Variants in VARS2 observed in about 807,000 individuals in gnomAD.
VARS2 encodes the protein valyl-tRNA synthetase 2, mitochondrial.
VARS2 carries 105 observed loss-of-function variants against 154.1 expected under a neutral mutation model. That is an observed-to-expected ratio of 0.68 (90% CI 0.58 to 0.80). The LOEUF (loss-of-function observed/expected upper bound fraction) is 0.80. Ranked by LOEUF, VARS2 falls within the 30% of genes least tolerant of loss-of-function variation. VARS2 has a pLI of 0.00. For synonymous variants in VARS2, 483 were observed against 539.5 expected (o/e 0.90, Z 1.45); for missense variants, 1,157 against 1,361.4 (o/e 0.85, Z 2.36).
chr6:30,914,923 TAC>T lies in VARS2; in HGVS notation c.91_92del (p.Gln31ValfsTer14), dbSNP rs1481747114. On this transcript the variant is annotated frameshift_variant, in exon 2 of 30. Coordinates refer to ENST00000676266, the MANE Select transcript of VARS2 (RefSeq NM_020442.6). LOFTEE classifies it high-confidence loss of function. ...GCCTCCCCAGGTTTCACTCCGTTTC[TAC>T]ACAGTCGGAGCCCCATGGATCTCCC... ...RGLPRFHSVS[T>X]QSEPHGSPIS... The T allele has an allele frequency of 6.2e-7, 1 of 1,613,104 alleles. No individual in the cohort carries two copies. Among genetic ancestry groups the T allele is most frequent in the East Asian group, 2.2e-5 (1 of 44,878 alleles).
Position 30,925,275 on chromosome 6 carries a change from A to C in VARS2, c.2675A>C (p.Glu892Ala). ...ATTCTGGGTCCCCCCCATTGCCAGG[A>C]GCACTGGCGCCAGCCAGAGCTGGAG... ...VAPYPSACSLEHWRQPELERR... is the reference protein window; with the variant it reads ...VAPYPSACSLAHWRQPELERR... The change falls in exon 27 of 30, where the codon GAG (glutamate) becomes GCG (alanine). Residue 892 changes from glutamate to alanine, a missense_variant and splice_region_variant. Physicochemically the swap from Glu to Ala is moderately radical, Grantham distance 107 (BLOSUM62 -1). Transcript: ENST00000676266. 1 of 1,610,348 alleles carries C rather than the reference A, an allele frequency of 6.2e-7. No homozygotes were observed. The highest frequency in any genetic ancestry group is 8.5e-7 in the Non-Finnish European group (1 of 1,178,776).
Position 30,922,763 on chromosome 6 carries a change from G to T in VARS2, c.2095G>T (p.Ala699Ser). ...NLDPAELAIVAAAQKKDFPHG... is the reference protein window; with the variant it reads ...NLDPAELAIVSAAQKKDFPHG... ...GGACCCTGCAGAGCTGGCCATTGTG[G>T]CTGCAGCACAGGTGAGTCATCGCTG... Residue 699 changes from alanine to serine, a missense_variant, in exon 22 of 30, where the codon GCT (alanine) becomes TCT (serine). Physicochemically the swap from Ala to Ser is moderately conservative, Grantham distance 99. Transcript: ENST00000676266. 1 of 1,611,606 alleles carries T rather than the reference G, an allele frequency of 6.2e-7. No individual in the cohort carries two copies. Among genetic ancestry groups the T allele is most frequent in the South Asian group, 1.1e-5 (1 of 90,934 alleles).
intron 4 of VARS2, 108 bp downstream of exon 4, chr6:30,915,563 T>A: frequency 7.0e-7 from 1 of 1,436,328 alleles, no homozygotes; most frequent in Non-Finnish European, 9.5e-7. Context: ...GTCTTCTTTC[T>A]GGCTCTGGTG....
chr6:30,923,052 T>C lies in VARS2; in HGVS notation c.2186-52T>C. ...TGCAGGGGCAGGGCAGGGGCAGGACTTCTGGTGCTGCTGCCACCTACATGC... is the reference window on the plus strand; with the variant it reads ...TGCAGGGGCAGGGCAGGGGCAGGACCTCTGGTGCTGCTGCCACCTACATGC... On this transcript the variant is annotated intron_variant, in intron 23 of 29. Transcript: ENST00000676266. 4.3e-6 allele frequency: 7 copies of C among 1,609,204 alleles called. No individual in the cohort carries two copies. In the South Asian group the frequency reaches 5.5e-5, roughly 13 times the overall value.
rs759325866 is a variant in VARS2 at position 30,921,069 on chromosome 6, T to G, written c.1484T>G (p.Val495Gly). The change falls in exon 16 of 30, where the codon GTG (valine) becomes GGG (glycine). Residue 495 changes from valine to glycine, a missense_variant. By Grantham distance (109) the Val-to-Gly change is moderately radical (BLOSUM62 -3). Coordinates refer to ENST00000676266, the MANE Select transcript of VARS2 (RefSeq NM_020442.6). The surrounding 1 kb of genome is among the most constrained non-coding windows in gnomAD (Gnocchi z 4.6). ...TAAAGTCCCCTTTCTCTCCAGGCTG[T>G]GGAGTCGGGGGCCCTGGAGCTCAGT... ...QEMGARAAKA[V>G]ESGALELSPS... 79 of 1,611,846 alleles carry G rather than the reference T, an allele frequency of 4.9e-5. No homozygotes were observed. The highest frequency in any genetic ancestry group is 6.4e-5 in the Non-Finnish European group (76 of 1,178,992).
chr6:30,919,477 G>A lies in VARS2; in HGVS notation c.1075-281G>A, dbSNP rs1473925512. On this transcript the variant is annotated intron_variant, in intron 11 of 29. Transcript: ENST00000676266. The surrounding 1 kb of genome is among the most constrained non-coding windows in gnomAD (Gnocchi z 4.5). Reference sequence around the variant, plus strand: ...TGGGATTACAGGCGTGAGCCGCCGCGCCTGGCTGCTTGCAGCCTTTATATT... The same window carrying A: ...TGGGATTACAGGCGTGAGCCGCCGCACCTGGCTGCTTGCAGCCTTTATATT... 9.6e-6 allele frequency: 3 copies of A among 313,930 alleles called. No homozygotes were observed. The highest frequency in any genetic ancestry group is 5.1e-5 in the East Asian group (1 of 19,748). 19.4% of individuals were successfully genotyped at this position (313,930 alleles called of 1,614,324 possible).
At position 30,920,408 on chromosome 6, in the gene VARS2, A is replaced by G. The variant is rs1360329718; in HGVS notation, c.1369A>G (p.Asn457Asp). Reference sequence around the variant, plus strand: ...ATGGGGCCTGTTCCGGGGCCTCCAGAACCACCCCATGGTACTGCCCATCTG... The same window carrying G: ...ATGGGGCCTGTTCCGGGGCCTCCAGGACCACCCCATGGTACTGCCCATCTG... ...SEWGLFRGLQ[N>D]HPMVLPICSR... The change falls in exon 14 of 30, where the codon AAC becomes GAC. Residue 457 changes from asparagine to aspartate, a missense_variant. Physicochemically the swap from Asn to Asp is conservative, Grantham distance 23 (BLOSUM62 1). Transcript: ENST00000676266. The surrounding 1 kb of genome is among the most constrained non-coding windows in gnomAD (Gnocchi z 4.6). 4 of 1,612,628 alleles carry G rather than the reference A, an allele frequency of 2.5e-6. No homozygotes were observed. The highest frequency in any genetic ancestry group is 3.4e-6 in the Non-Finnish European group (4 of 1,179,434).
chr6:30,920,878 G>GT lies in VARS2; in HGVS notation c.1479+130dup. ...CTCCAGCTGTGGTAACTGAGAGGAT[G>GT]TGTGGGATGGAGGCTGGGCGGCCCA... is the stretch of plus-strand genomic sequence containing the variant. On this transcript the variant is annotated intron_variant, in intron 15 of 29. Transcript: ENST00000676266. The surrounding 1 kb of genome is among the most constrained non-coding windows in gnomAD (Gnocchi z 4.6). 2.8e-6 allele frequency: 3 copies of GT among 1,078,602 alleles called. No individual in the cohort carries two copies. The South Asian group carries it at 4.9e-5, about 18-fold the overall frequency. The allele number at this position is 1,078,602 out of a possible 1,614,324, so 66.8% of individuals were successfully genotyped here. A position where few individuals can be genotyped will look rare whatever the true frequency, so the allele number is the denominator to read the frequency against.
rs1794627776 is a variant in VARS2 at position 30,923,045 on chromosome 6, G to A, written c.2186-59G>A. On this transcript the variant is annotated intron_variant, in intron 23 of 29. Coordinates refer to ENST00000676266, the MANE Select transcript of VARS2 (RefSeq NM_020442.6). ...GCACCTGTGCAGGGGCAGGGCAGGG[G>A]CAGGACTTCTGGTGCTGCTGCCACC... 1.9e-6 allele frequency: 3 copies of A among 1,608,118 alleles called. No homozygotes were observed. In the East Asian group the frequency reaches 6.7e-5, roughly 36 times the overall value.
rs1017764354 is a variant in VARS2, at chr6:30,916,250, G to C, written c.671+1G>C. 5.0e-6 allele frequency: 8 copies of C among 1,611,514 alleles called. No individual in the cohort carries two copies. The highest frequency in any genetic ancestry group is 6.8e-6 in the Non-Finnish European group (8 of 1,178,614). On this transcript the variant is annotated splice_donor_variant, in intron 7 of 29. Transcript: ENST00000676266. LOFTEE classifies it high-confidence loss of function. The surrounding 1 kb of genome is among the most constrained non-coding windows in gnomAD (Gnocchi z 4.0). ...GGGAGGTGTGGCAGTGGAAGGAGGCGTGAGTATGATGGGCAGGACTCGGGG... is the reference window on the plus strand; with the variant it reads ...GGGAGGTGTGGCAGTGGAAGGAGGCCTGAGTATGATGGGCAGGACTCGGGG...
rs564784910 is a variant in VARS2, at chr6:30,926,397, G to A, written c.*187G>A. On this transcript the variant is annotated 3_prime_UTR_variant, in exon 30 of 30. Transcript: ENST00000676266. Reference sequence around the variant, plus strand: ...CCTTGAGATGCTCACATTACTGCCCGGCCTGCCTCCCACCTGGAAGTCTGG... The same window carrying A: ...CCTTGAGATGCTCACATTACTGCCCAGCCTGCCTCCCACCTGGAAGTCTGG... The A allele has an allele frequency of 1.1e-4, 72 of 628,580 alleles. No homozygotes were observed. The highest frequency in any genetic ancestry group is 3.4e-4 in the South Asian group (17 of 49,532). 38.9% of individuals were successfully genotyped at this position (628,580 alleles called of 1,614,324 possible).
In VARS2 at chr6:30,922,115, G is replaced by A. The variant is rs773675647; in HGVS notation, c.1807-1G>A. 3.2e-5 allele frequency: 51 copies of A among 1,612,500 alleles called. No homozygotes were observed. Among genetic ancestry groups the A allele is most frequent in the Non-Finnish European group, 4.2e-5 (49 of 1,179,850 alleles). On this transcript the variant is annotated splice_acceptor_variant, in intron 19 of 29. Coordinates refer to ENST00000676266, the MANE Select transcript of VARS2 (RefSeq NM_020442.6). LOFTEE classifies it high-confidence loss of function. ...CCTCTTACTGCTCCTCTTCCCCCTA[G>A]ACCCCAGACCTTGCTCGTTTCTACC... is the stretch of plus-strand genomic sequence containing the variant.
At chr6:30,922,594 G>C (rs757623831) in intron 21 of VARS2, 40 bp downstream of exon 21, 27 of 1,559,584 alleles carry the variant, frequency 1.7e-5, no homozygotes, top group Non-Finnish European at 2.3e-5. Flanking sequence ...AGGTTTGCAG[G>C]GTTTGCAGGA....
At position 30,915,226 on chromosome 6, in the gene VARS2, G is replaced by C; in HGVS notation, c.272G>C (p.Gly91Ala). 6.2e-7 allele frequency: 1 copy of C among 1,614,184 alleles called. No individual in the cohort carries two copies. Among genetic ancestry groups the C allele is most frequent in the East Asian group, 2.2e-5 (1 of 44,890 alleles). The change falls in exon 3 of 30, where the codon GGT becomes GCT. Residue 91 changes from glycine to alanine, a missense_variant. Physicochemically the swap from Gly to Ala is moderately conservative, Grantham distance 60. Transcript: ENST00000676266. ...TTGTATGAAATCCCTACGAAACCCG[G>C]TGAAAAGAAAGGTAAGTAGAATAAG... ...LVLYEIPTKP[G>A]EKKDVSGPLP...
chr6:30,920,754 G>A lies in VARS2; in HGVS notation c.1479+5G>A. On this transcript the variant is annotated splice_donor_5th_base_variant and intron_variant, in intron 15 of 29. Coordinates refer to ENST00000676266, the MANE Select transcript of VARS2 (RefSeq NM_020442.6). This position sits in a 1 kb window ranked among gnomAD's most constrained non-coding sequence, Gnocchi z 4.6. ...ATGGGGGCCCGAGCTGCCAAGGTGAGGCTGCAGTGTAGGAAGGACTGGGGC... is the reference window on the plus strand; with the variant it reads ...ATGGGGGCCCGAGCTGCCAAGGTGAAGCTGCAGTGTAGGAAGGACTGGGGC... 6.3e-7 allele frequency: 1 copy of A among 1,584,472 alleles called. No homozygotes were observed. The highest frequency in any genetic ancestry group is 8.6e-7 in the Non-Finnish European group (1 of 1,166,164).
rs372096433 is a variant in VARS2, at chr6:30,923,633, C to T, written c.2466+128C>T. The T allele has an allele frequency of 1.8e-3, 2,520 of 1,365,952 alleles. 54 individuals carry two copies. The South Asian group carries it at 0.025, about 14-fold the overall frequency. 84.6% of individuals were successfully genotyped at this position (1,365,952 alleles called of 1,614,324 possible). On this transcript the variant is annotated intron_variant, in intron 25 of 29. Coordinates refer to ENST00000676266, the MANE Select transcript of VARS2 (RefSeq NM_020442.6). ...CCCTCAGTTAGGAGAGGAGAGGAGA[C>T]GAGGGAGTCTCAGTTCCCCTCTTCC...
chr6:30,917,869 T>A lies in VARS2; in HGVS notation c.985+63T>A. ...CATTTTTCCTGTTTTCTGAAGCCCATGTTGGGCTGCTAGGAACCCATCAGT... is the reference window on the plus strand; with the variant it reads ...CATTTTTCCTGTTTTCTGAAGCCCAAGTTGGGCTGCTAGGAACCCATCAGT... On this transcript the variant is annotated intron_variant, in intron 10 of 29. Transcript: ENST00000676266. This position sits in a 1 kb window ranked among gnomAD's most constrained non-coding sequence, Gnocchi z 4.4. 6.7e-7 allele frequency: 1 copy of A among 1,486,436 alleles called. No homozygotes were observed. The highest frequency in any genetic ancestry group is 9.2e-7 in the Non-Finnish European group (1 of 1,088,770). The allele number at this position is 1,486,436 out of a possible 1,614,324, so 92.1% of individuals were successfully genotyped here.
Position 30,920,397 on chromosome 6 carries a change from G to C in VARS2, c.1358G>C (p.Arg453Pro), listed in dbSNP as rs1029727547. 17 of 1,612,392 alleles carry C rather than the reference G, an allele frequency of 1.1e-5. No individual in the cohort carries two copies. The highest frequency in any genetic ancestry group is 1.2e-5 in the Non-Finnish European group (14 of 1,179,306). The part of the protein sequence containing the change: ...MSVLSEWGLF[R>P]GLQNHPMVLP... ...GTGCTGAGTGAATGGGGCCTGTTCC[G>C]GGGCCTCCAGAACCACCCCATGGTA... The change falls in exon 14 of 30, where the codon CGG (arginine) becomes CCG (proline). Residue 453 changes from arginine to proline, a missense_variant. Coordinates refer to ENST00000676266, the MANE Select transcript of VARS2 (RefSeq NM_020442.6). This position sits in a 1 kb window ranked among gnomAD's most constrained non-coding sequence, Gnocchi z 4.6.
intron 27 of VARS2, 22 bp from the exon 28 acceptor site, chr6:30,925,522 C>T: frequency 6.4e-7 from 1 of 1,563,486 alleles, no homozygotes; most frequent in Non-Finnish European, 8.6e-7. Flanking sequence ...GGCCTTGCCC[C>T]TGACAGTTTC....
Sources: allele counts gnomAD v4.1 joint callset, GRCh38; gene constraint gnomAD v4.1.1; non-coding constraint Gnocchi (gnomAD v3.1); transcripts MANE v1.5; gene names NCBI Gene and HGNC (gene_info 2026-07-23, HGNC 2026-07-21).